Variants in TASP1 observed in about 807,000 individuals in gnomAD.
TASP1 encodes the protein taspase 1, also known as threonine aspartase 1.
A neutral mutation model predicts 56.6 loss-of-function variants in TASP1; 16 were observed. That is an observed-to-expected ratio of 0.28 (90% confidence interval 0.19 to 0.43). The LOEUF is 0.43. Ranked by LOEUF, TASP1 falls within the 20% of genes least tolerant of loss-of-function variation. TASP1 has a pLI of 1.00. For missense variants in TASP1, 393 were observed against 511.6 expected (o/e 0.77, Z 2.24); for synonymous variants, 179 against 184.2 (o/e 0.97, Z 0.23).
chr20:13,325,906 C>T, the TASP1 span, among the ~76,000 whole-genome samples: 2 of 152,166 alleles, frequency 1.3e-5, no homozygotes, highest in Admixed American at 6.6e-5. Flanking sequence ...CCAATACACA[C>T]GTCGACCATC....
At chr20:13,429,926 G>A (rs956712082) in intron 12 of TASP1, among the ~76,000 whole-genome samples, 2 of 151,972 alleles carry the variant, frequency 1.3e-5, no homozygotes, top group Admixed American at 6.6e-5. Context: ...GGGACCCATG[G>A]CTATGTTCTC....
At chr20:13,535,555 G>A (rs1177859287) in intron 8 of TASP1, among the ~76,000 whole-genome samples, 1 of 152,138 alleles carries the variant, frequency 6.6e-6, no homozygotes, top group Non-Finnish European at 1.5e-5. Flanking sequence ...CTAGCCAATG[G>A]ATCCACATGG....
chr20:13,433,841 TAA>T (rs111973613), intron 12 of TASP1, among the ~76,000 whole-genome samples: 11 of 116,136 alleles, frequency 9.5e-5, no homozygotes, highest in Admixed American at 1.8e-4. Flanking sequence ...GTGTTTGTAT[TAA>T]AAAAAAAAAA....
At chr20:13,204,642 C>G in the TASP1 span, among the ~76,000 whole-genome samples, 1 of 151,944 alleles carries the variant, frequency 6.6e-6, no homozygotes, top group Non-Finnish European at 1.5e-5. Context: ...TGGGTTCAAG[C>G]AACTCTCATG....
At chr20:13,268,004 G>C in the TASP1 span, among the ~76,000 whole-genome samples, 1 of 152,218 alleles carries the variant, frequency 6.6e-6, no homozygotes. Flanking sequence ...TTTAGGGTTG[G>C]AGATTAAGGG....
chr20:13,486,349 T>G (rs6105115), intron 10 of TASP1, among the ~76,000 whole-genome samples: 34,007 of 152,046 alleles, frequency 0.22, 3,921 homozygotes, highest in Middle Eastern at 0.29. Context: ...CTGACAAGAT[T>G]CCTAGAAGTA....
the TASP1 span, among the ~76,000 whole-genome samples, chr20:13,381,436 G>A: frequency 1.3e-5 from 2 of 152,218 alleles, no homozygotes; most frequent in African/African-American, 4.8e-5. Flanking sequence ...AGATAAGCCA[G>A]GTACCTCAGA....
intron 10 of TASP1, among the ~76,000 whole-genome samples, chr20:13,527,608 ACACG>A (rs773843035): frequency 2.6e-5 from 4 of 152,206 alleles, no homozygotes; most frequent in South Asian, 2.1e-4. Flanking sequence ...TCTCCTGCAC[ACACG>A]CACGCACGCA....
At chr20:13,375,880 T>C in the TASP1 span, among the ~76,000 whole-genome samples, 1 of 152,200 alleles carries the variant, frequency 6.6e-6, no homozygotes, top group African/African-American at 2.4e-5. Flanking sequence ...ATGTCTTCTT[T>C]TAAGAAGTGT....
At chr20:13,568,467 AT>A (rs1432645398) in intron 7 of TASP1, among the ~76,000 whole-genome samples, 1 of 152,180 alleles carries the variant, frequency 6.6e-6, no homozygotes, top group Non-Finnish European at 1.5e-5. Flanking sequence ...TTATGCAAAT[AT>A]TTTTAAACAG....
chr20:13,362,519 C>T, the TASP1 span, among the ~76,000 whole-genome samples: 1 of 141,740 alleles, frequency 7.1e-6, no homozygotes, highest in Non-Finnish European at 1.5e-5. Context: ...GAACAAATCC[C>T]CTTTGACTGT....
the TASP1 span, among the ~76,000 whole-genome samples, chr20:13,358,641 G>A: frequency 4.0e-5 from 6 of 149,858 alleles, no homozygotes; most frequent in African/African-American, 1.3e-4. Flanking sequence ...AAACTTCGGC[G>A]CCAGTCACGG....
chr20:13,214,556 C>G, the TASP1 span, among the ~76,000 whole-genome samples: 7,310 of 105,606 alleles, frequency 0.069, 271 homozygotes, highest in African/African-American at 0.14. Context: ...CACACACACA[C>G]ACACACAGAG....
intron 10 of TASP1, among the ~76,000 whole-genome samples, chr20:13,489,310 A>C (rs1303647369): frequency 6.6e-6 from 1 of 152,156 alleles, no homozygotes. Flanking sequence ...AGAAAGAGCT[A>C]CACATTCTTA....
At chr20:13,396,836 T>C (rs758321556) in intron 13 of TASP1, among the ~76,000 whole-genome samples, 12 of 152,346 alleles carry the variant, frequency 7.9e-5, no homozygotes, top group Admixed American at 1.3e-4. Flanking sequence ...GTAAATTTCA[T>C]TGTTAGCACT....
the TASP1 span, among the ~76,000 whole-genome samples, chr20:13,369,685 T>G: frequency 6.6e-6 from 1 of 152,244 alleles, no homozygotes; most frequent in Admixed American, 6.5e-5. Flanking sequence ...AATGGATAGG[T>G]AGTTTAAAAC....
downstream of TASP1, among the ~76,000 whole-genome samples, chr20:13,386,293 G>GCAC (rs2041162148): frequency 6.6e-6 from 1 of 152,130 alleles, no homozygotes; most frequent in African/African-American, 2.4e-5. Flanking sequence ...GTTCAATATA[G>GCAC]CACCATTTTT....
intron 8 of TASP1, among the ~76,000 whole-genome samples, chr20:13,544,576 G>A (rs2045740662): frequency 6.6e-6 from 1 of 152,188 alleles, no homozygotes; most frequent in Non-Finnish European, 1.5e-5. Flanking sequence ...AATAGGATAT[G>A]AATTCATTAC....
chr20:13,188,065 T>A, the TASP1 span, among the ~76,000 whole-genome samples: 1 of 152,150 alleles, frequency 6.6e-6, no homozygotes, highest in East Asian at 1.9e-4. Flanking sequence ...TATTTCCTTT[T>A]GCCACGTGAA....
Sources: allele counts gnomAD v4.1 joint callset (sites outside exome capture counted in the v4.1 genomes callset), GRCh38; gene constraint gnomAD v4.1.1; transcripts MANE v1.5; gene names NCBI Gene and HGNC (gene_info 2026-07-23, HGNC 2026-07-21).